FCHO2: variants seen among roughly 807,000 people sequenced by gnomAD.
FCHO2 encodes the protein FCH and mu domain containing endocytic adaptor 2.
In FCHO2, 43 loss-of-function variants were observed where a neutral mutation model predicts 114.1. The ratio of observed to expected loss-of-function variants is 0.38; its 90% confidence interval spans 0.30 to 0.49. The LOEUF is 0.49. FCHO2 is among the 20% of genes least tolerant of loss of function. The probability of loss-of-function intolerance (pLI) is 0.97; values close to 1 mark genes in which losing one functional copy is unlikely to be tolerated. For synonymous variants in FCHO2, 293 were observed against 315.2 expected (o/e 0.93, Z 0.75); for missense variants, 807 against 950.4 (o/e 0.85, Z 1.98).
At chr5:73,053,985 A>G (rs1355308552) in intron 13 of FCHO2, among the ~76,000 whole-genome samples, 175 bp from the exon 14 acceptor site, 2 of 152,178 alleles carry the variant, frequency 1.3e-5, no homozygotes, top group Non-Finnish European at 2.9e-5. Flanking sequence ...AAAAGATTAT[A>G]TCTGAATATA....
chr5:73,027,568 A>AAGG (rs1279552911), intron 8 of FCHO2, among the ~76,000 whole-genome samples: 3 of 152,134 alleles, frequency 2.0e-5, no homozygotes, highest in Non-Finnish European at 4.4e-5. Context: ...CACAGGTGAT[A>AAGG]ACCTGAAAAG....
At chr5:72,981,967 CTCCA>C (rs1753235596) in intron 2 of FCHO2, among the ~76,000 whole-genome samples, 1 of 152,206 alleles carries the variant, frequency 6.6e-6, no homozygotes, top group Admixed American at 6.5e-5. Context: ...CAAACTCATT[CTCCA>C]TCCAGTTTTG....
At chr5:73,081,190 T>A (rs1286725544) in intron 22 of FCHO2, among the ~76,000 whole-genome samples, 1 of 152,122 alleles carries the variant, frequency 6.6e-6, no homozygotes, top group Non-Finnish European at 1.5e-5. Context: ...TAAGGAAGAT[T>A]GAAAATACAG....
chr5:72,962,386 A>G (rs1201349372), intron 1 of FCHO2, among the ~76,000 whole-genome samples: 1 of 152,218 alleles, frequency 6.6e-6, no homozygotes, highest in Non-Finnish European at 1.5e-5. Context: ...TATGCTTTAA[A>G]TCATCCTGCA....
At chr5:73,017,113 A>G in intron 7 of FCHO2, 99 bp from the exon 8 acceptor site, 1 of 703,622 alleles carries the variant, frequency 1.4e-6, no homozygotes, top group Non-Finnish European at 2.2e-6. Context: ...AAAAATACAT[A>G]TTTTGATATA....
chr5:72,973,125 T>C (rs1752660730), intron 2 of FCHO2, among the ~76,000 whole-genome samples: 1 of 152,238 alleles, frequency 6.6e-6, no homozygotes, highest in South Asian at 2.1e-4. Flanking sequence ...TGAGGATTTT[T>C]GCATCAATGT....
intron 23 of FCHO2, among the ~76,000 whole-genome samples, chr5:73,082,260 CT>C (rs11427541): frequency 0.031 from 4,387 of 140,288 alleles, 215 homozygotes; most frequent in African/African-American, 0.11. Flanking sequence ...CTCTAAACTT[CT>C]TTTTTTTTTT....
In FCHO2 at chr5:73,027,021, T is replaced by G. The variant is rs577884659; in HGVS notation, c.797-7636T>G. 1.0e-2 allele frequency among the ~76,000 whole-genome samples: 1,274 copies of G among 127,770 alleles called. 10 individuals are homozygous for G. The highest frequency in any genetic ancestry group is 0.015 in the Middle Eastern group (4 of 270). The allele number at this position is 127,770 out of a possible 152,430, so 83.8% of individuals were successfully genotyped here. A position where few individuals can be genotyped will look rare whatever the true frequency, so the allele number is the denominator to read the frequency against. ...ATTGTTTTTTTTTTGTTTGTTTGTTTTTTTTTTTTTTTTTTTAGTGTAGTA... is the reference window on the plus strand; with the variant it reads ...ATTGTTTTTTTTTTGTTTGTTTGTTGTTTTTTTTTTTTTTTTAGTGTAGTA... On this transcript the variant is annotated intron_variant, in intron 8 of 25. Coordinates refer to ENST00000430046, the MANE Select transcript of FCHO2 (RefSeq NM_138782.3).
At chr5:72,972,644 CA>C (rs1752622606) in intron 2 of FCHO2, among the ~76,000 whole-genome samples, 1 of 152,206 alleles carries the variant, frequency 6.6e-6, no homozygotes, top group African/African-American at 2.4e-5. Flanking sequence ...ATGCCATCTG[CA>C]AACAAGGACA....
intron 17 of FCHO2, among the ~76,000 whole-genome samples, chr5:73,063,052 G>T (rs950877241): frequency 1.3e-5 from 2 of 151,902 alleles, no homozygotes; most frequent in Non-Finnish European, 2.9e-5. Context: ...TTTAAAGAGG[G>T]TTTAAACCTA....
chr5:73,077,201 T>G (rs1165054506), intron 20 of FCHO2, 137 bp from the exon 21 acceptor site: 2 of 547,766 alleles, frequency 3.7e-6, no homozygotes, highest in East Asian at 6.7e-5. Context: ...TCTATAGTTA[T>G]GATAAAGGAT....
intron 10 of FCHO2, among the ~76,000 whole-genome samples, chr5:73,037,493 A>T (rs1047191219): frequency 6.6e-6 from 1 of 152,036 alleles, no homozygotes; most frequent in Non-Finnish European, 1.5e-5. Flanking sequence ...TTTTTGTAAA[A>T]TGATAAATGC....
Position 72,956,064 on chromosome 5 carries a change from C to T in FCHO2, c.-33C>T. The T allele has an allele frequency of 1.3e-6, 2 of 1,537,424 alleles. No homozygotes were observed. The highest frequency in any genetic ancestry group is 1.8e-6 in the Non-Finnish European group (2 of 1,141,258). ...CCGTGTTTACACAGCGGCGGGCGGG[C>T]GCGGACGCGGAACCCGGCGCGGCGG... On this transcript the variant is annotated 5_prime_UTR_variant, in exon 1 of 26. Transcript: ENST00000430046.
intron 3 of FCHO2, 75 bp from the exon 4 acceptor site, chr5:72,990,403 C>T: frequency 3.4e-6 from 4 of 1,167,552 alleles, no homozygotes; most frequent in South Asian, 1.6e-5. Context: ...CTATTATTTC[C>T]ACTGGTTCCT....
chr5:73,050,685 C>T (rs953425074), intron 11 of FCHO2, among the ~76,000 whole-genome samples: 14 of 152,000 alleles, frequency 9.2e-5, no homozygotes, highest in African/African-American at 3.1e-4. Context: ...TGGATTTTGC[C>T]GATTATATTG....
At chr5:73,050,338 T>TTA (rs375852845) in intron 11 of FCHO2, among the ~76,000 whole-genome samples, 1 of 150,916 alleles carries the variant, frequency 6.6e-6, no homozygotes, top group African/African-American at 2.4e-5. Context: ...ATTTATTTAT[T>TTA]TTGACAGAGC....
intron 17 of FCHO2, among the ~76,000 whole-genome samples, chr5:73,059,828 A>G (rs1757770070): frequency 2.0e-5 from 3 of 151,976 alleles, no homozygotes; most frequent in African/African-American, 2.4e-5. Flanking sequence ...TATTATATGA[A>G]GAAAGTAATT....
rs1179107295 is a variant in FCHO2, at chr5:72,957,218, T to C, written c.33+1089T>C. On this transcript the variant is annotated intron_variant, in intron 1 of 25. Transcript: ENST00000430046. Reference sequence around the variant, plus strand: ...TTAGGTGTTTTGTTTTTTAAACAGCTTTATTGAGTTCACATTTCCGTACCA... The same window carrying C: ...TTAGGTGTTTTGTTTTTTAAACAGCCTTATTGAGTTCACATTTCCGTACCA... 2.2e-4 allele frequency among the ~76,000 whole-genome samples: 33 copies of C among 149,592 alleles called. 1 individual carries two copies. Among genetic ancestry groups the C allele is most frequent in the Admixed American group, 2.2e-3 (33 of 15,122 alleles).
chr5:72,972,058 A>G (rs1752587596), intron 2 of FCHO2, among the ~76,000 whole-genome samples: 2 of 151,854 alleles, frequency 1.3e-5, no homozygotes, highest in African/African-American at 4.8e-5. Context: ...CCATTGATCT[A>G]TATCTCTGTT....
Sources: allele counts gnomAD v4.1 joint callset (sites outside exome capture counted in the v4.1 genomes callset), GRCh38; gene constraint gnomAD v4.1.1; transcripts MANE v1.5; gene names NCBI Gene and HGNC (gene_info 2026-07-23, HGNC 2026-07-21).